Variants in DNAH14 observed in about 807,000 individuals in gnomAD.
DNAH14 encodes the protein dynein axonemal heavy chain 14.
In DNAH14, 478 loss-of-function variants were observed where a neutral mutation model predicts 520.9. The ratio of observed to expected loss-of-function variants is 0.92; its 90% CI spans 0.85 to 0.99. The LOEUF (loss-of-function observed/expected upper bound fraction) is 0.99, where lower values mean the gene tolerates loss of function less well. Among genes scored for constraint, DNAH14 ranks in the 50% least tolerant of loss-of-function variants. The pLI, the probability that DNAH14 is intolerant of heterozygous loss-of-function variation, is 0.00. For missense variants in DNAH14, 4,831 were observed against 5,234.5 expected, an observed-to-expected ratio of 0.92 and a Z score of 2.38; for synonymous variants, 1,581 against 1,757.2, an observed-to-expected ratio of 0.90 and a Z score of 2.51.
chr1:224,962,131 T>A (rs2060884231), intron 4 of DNAH14, among the ~76,000 whole-genome samples: 1 of 152,102 alleles, frequency 6.6e-6, no homozygotes. Flanking sequence ...AAAAAGAAAG[T>A]TGTAGACAGA....
chr1:225,184,677 A>G (rs565464976), intron 36 of DNAH14, among the ~76,000 whole-genome samples: 35 of 152,162 alleles, frequency 2.3e-4, no homozygotes, highest in Admixed American at 7.2e-4. Flanking sequence ...CAGAAAAAGC[A>G]TTTTATAAAA....
intron 35 of DNAH14, among the ~76,000 whole-genome samples, chr1:225,165,105 A>T (rs2149179903): frequency 6.6e-6 from 1 of 152,302 alleles, no homozygotes; most frequent in Admixed American, 6.5e-5. Context: ...TCTGAATGGC[A>T]AATTCATTAT....
chr1:225,024,061 G>A (rs971355115), intron 11 of DNAH14, 196 bp downstream of exon 11: 72 of 1,202,324 alleles, frequency 6.0e-5, no homozygotes, highest in Middle Eastern at 3.3e-4. Context: ...TATAGGATGC[G>A]CAGTAAAATT....
intron 8 of DNAH14, among the ~76,000 whole-genome samples, chr1:224,981,776 T>G (rs1248119541): frequency 6.6e-6 from 1 of 152,236 alleles, no homozygotes; most frequent in Non-Finnish European, 1.5e-5. Flanking sequence ...TTGGTTGGTT[T>G]GTTTCACTTT....
At chr1:225,044,452 T>G (rs577199418) in intron 15 of DNAH14, among the ~76,000 whole-genome samples, 1 of 152,296 alleles carries the variant, frequency 6.6e-6, no homozygotes, top group South Asian at 2.1e-4. Context: ...TTTTGGCAAC[T>G]TCTTAAAAGT....
intron 9 of DNAH14, 76 bp downstream of exon 9, chr1:225,003,003 A>T (rs1236775407): frequency 1.6e-6 from 2 of 1,261,124 alleles, no homozygotes; most frequent in African/African-American, 3.1e-5. Context: ...TTGAATTAAA[A>T]AATACAGATT....
At chr1:224,977,079 G>A (rs1190912146) in intron 8 of DNAH14, among the ~76,000 whole-genome samples, 1 of 151,394 alleles carries the variant, frequency 6.6e-6, no homozygotes, top group African/African-American at 2.4e-5. Flanking sequence ...CAAAGACTTG[G>A]AACCAACCCA....
intron 43 of DNAH14, among the ~76,000 whole-genome samples, chr1:225,244,494 G>T (rs895868443): frequency 1.3e-5 from 2 of 151,944 alleles, no homozygotes; most frequent in African/African-American, 4.8e-5. Context: ...GGCTTTTTTT[G>T]GTTGGTAGGT....
chr1:225,282,714 AT>A (rs1406014564), intron 54 of DNAH14, among the ~76,000 whole-genome samples: 1 of 152,216 alleles, frequency 6.6e-6, no homozygotes, highest in Non-Finnish European at 1.5e-5. Flanking sequence ...CTATGCAGCA[AT>A]TTCAGTCAGC....
intron 41 of DNAH14, among the ~76,000 whole-genome samples, chr1:225,217,777 C>T (rs906031266): frequency 6.6e-6 from 1 of 152,062 alleles, no homozygotes; most frequent in Admixed American, 6.5e-5. Flanking sequence ...TAGGAGTGTC[C>T]CGATTTTCCA....
rs1004917067 is a variant in DNAH14 at position 225,318,761 on chromosome 1, A to G, written c.9335+84A>G. Reference sequence around the variant, plus strand: ...TTTACTAAGCCTATATTCCATTTTTAGCCTATATACTAAGCCTATATTCCA... The same window carrying G: ...TTTACTAAGCCTATATTCCATTTTTGGCCTATATACTAAGCCTATATTCCA... On this transcript the variant is annotated intron_variant, in intron 61 of 85. Transcript: ENST00000682510. 10 of 1,284,980 alleles carry G rather than the reference A, an allele frequency of 7.8e-6. No homozygotes were observed. The African/African-American group carries it at 1.5e-4, about 19-fold the overall frequency. 79.6% of individuals were successfully genotyped at this position (1,284,980 alleles called of 1,614,324 possible). A position where few individuals can be genotyped will look rare whatever the true frequency, so the allele number is the denominator to read the frequency against.
At chr1:225,389,654 G>A (rs1002280306) in intron 82 of DNAH14, 80 bp from the exon 83 acceptor site, 3 of 1,449,320 alleles carry the variant, frequency 2.1e-6, no homozygotes, top group African/African-American at 1.4e-5. Flanking sequence ...GAAGGGCCCT[G>A]GGAGGAAATG....
chr1:225,007,401 T>A lies in DNAH14; in HGVS notation c.976-12T>A, dbSNP rs1248280982. 5.3e-6 allele frequency: 8 copies of A among 1,504,546 alleles called. No homozygotes were observed. In the Admixed American group the frequency reaches 6.8e-5, roughly 13 times the overall value. The allele number at this position is 1,504,546 out of a possible 1,614,324, so 93.2% of individuals were successfully genotyped here. On this transcript the variant is annotated splice_polypyrimidine_tract_variant and intron_variant, in intron 9 of 85. Coordinates refer to ENST00000682510, the MANE Select transcript of DNAH14 (RefSeq NM_001367479.1). ...ACTTTCTAACACTGAACATTTACTATCATCTAATTAGCTGGATAGTTCTCG... is the reference window on the plus strand; with the variant it reads ...ACTTTCTAACACTGAACATTTACTAACATCTAATTAGCTGGATAGTTCTCG...
chr1:225,389,899 C>T lies in DNAH14; in HGVS notation c.13330+26C>T, dbSNP rs777929771. On this transcript the variant is annotated intron_variant, in intron 83 of 85. Coordinates refer to ENST00000682510, the MANE Select transcript of DNAH14 (RefSeq NM_001367479.1). ...GTGAGCATTAGAACCAAGGTCAGCT[C>T]CAGACCTGGCCCAGGCAAGTTTGCA... 7 of 1,548,472 alleles carry T rather than the reference C, an allele frequency of 4.5e-6. No homozygotes were observed. The African/African-American group carries it at 8.2e-5, about 18-fold the overall frequency.
At chr1:224,994,967 A>G (rs2063300604) in intron 8 of DNAH14, among the ~76,000 whole-genome samples, 1 of 152,034 alleles carries the variant, frequency 6.6e-6, no homozygotes, top group African/African-American at 2.4e-5. Context: ...AACACATTTT[A>G]TGTTTTCGAT....
intron 42 of DNAH14, among the ~76,000 whole-genome samples, chr1:225,235,486 A>G (rs927631014): frequency 4.0e-5 from 6 of 151,650 alleles, no homozygotes; most frequent in African/African-American, 1.5e-4. Context: ...TTCATTAGGG[A>G]TGGCTTGAAG....
intron 61 of DNAH14, 39 bp downstream of exon 61, chr1:225,318,716 GA>G: frequency 6.6e-7 from 1 of 1,506,458 alleles, no homozygotes; most frequent in Non-Finnish European, 8.9e-7. Context: ...GAAAAGCTCA[GA>G]AAAAAACATA....
At chr1:225,159,659 C>A (rs954929300) in intron 35 of DNAH14, among the ~76,000 whole-genome samples, 174 bp downstream of exon 35, 1 of 152,086 alleles carries the variant, frequency 6.6e-6, no homozygotes, top group Admixed American at 6.6e-5. Context: ...AAAGAGCTTT[C>A]AGTATATTAT....
chr1:225,148,437 T>C (rs1559105461), intron 31 of DNAH14, among the ~76,000 whole-genome samples: 1 of 146,772 alleles, frequency 6.8e-6, no homozygotes, highest in Non-Finnish European at 1.5e-5. Flanking sequence ...AGTCTCACTC[T>C]GTTGCCCAGG....
Sources: gnomAD v4.1 joint callset for allele counts (sites outside exome capture counted in the v4.1 genomes callset) on GRCh38, gnomAD v4.1.1 for gene constraint, MANE v1.5 for transcripts, NCBI Gene and HGNC (gene_info 2026-07-23, HGNC 2026-07-21) for gene names.